The following PCDHGA2 variants were observed in gnomAD, a reference collection of about 807,000 sequenced individuals.
The protein encoded by PCDHGA2 is protocadherin gamma subfamily A, 2, also known as protocadherin gamma-A2.
In PCDHGA2, 40 loss-of-function variants were observed where a neutral mutation model predicts 59.2. The ratio of observed to expected loss-of-function variants is 0.68; its 90% CI spans 0.52 to 0.88. The LOEUF is 0.88. PCDHGA2 is among the 40% of genes least tolerant of loss of function. The pLI is 0.00. For missense variants in PCDHGA2, 1,226 were observed against 1,204.0 expected (o/e 1.02, Z -0.27); for synonymous variants, 560 against 526.0 (o/e 1.06, Z -0.89).
rs776625788 is a variant in PCDHGA2 at position 141,344,879 on chromosome 5, T to A, written c.2424+3484T>A. ...ATGCTCAAGTGTCTTATATTCTAGA[T>A]AAAATGCCTGGGAAAATCGCTGAGA... On this transcript the variant is annotated intron_variant, in intron 1 of 3. Coordinates refer to ENST00000394576, the MANE Select transcript of PCDHGA2 (RefSeq NM_018915.4). 1.9e-6 allele frequency: 3 copies of A among 1,613,804 alleles called. No homozygotes were observed. In the African/African-American group the frequency reaches 4.0e-5, roughly 22 times the overall value.
chr5:141,380,347 T>G (rs1408007452), intron 1 of PCDHGA2, among the ~76,000 whole-genome samples: 1 of 152,204 alleles, frequency 6.6e-6, no homozygotes, highest in Non-Finnish European at 1.5e-5. Context: ...AACTGTTTTG[T>G]TGTTTGTTTT....
intron 1 of PCDHGA2, chr5:141,351,944 G>A (rs995541250): frequency 6.2e-7 from 1 of 1,613,158 alleles, no homozygotes; most frequent in South Asian, 1.1e-5. Context: ...GCTGTACCCC[G>A]CGCTGGGGCC....
chr5:141,362,172 G>T (rs576630104), intron 1 of PCDHGA2: 108 of 1,613,978 alleles, frequency 6.7e-5, no homozygotes, highest in Middle Eastern at 4.9e-4. Flanking sequence ...GCGACCGCCG[G>T]GAGCCCTCTG....
chr5:141,495,817 T>G (rs2099764054), intron 2 of PCDHGA2, among the ~76,000 whole-genome samples: 1 of 152,110 alleles, frequency 6.6e-6, no homozygotes, highest in African/African-American at 2.4e-5. Context: ...TAGCGCCTTG[T>G]GTTCTTCTAT....
intron 1 of PCDHGA2, chr5:141,398,633 A>G: frequency 6.2e-7 from 1 of 1,614,064 alleles, no homozygotes; most frequent in Non-Finnish European, 8.5e-7. Flanking sequence ...TCTCTGCAGA[A>G]GTATAAACTC....
chr5:141,511,711 T>G lies in PCDHGA2; in HGVS notation c.*538T>G. 1 of 185,916 alleles carries G rather than the reference T, an allele frequency of 5.4e-6. No individual in the cohort carries two copies. Among genetic ancestry groups the G allele is most frequent in the South Asian group, 1.1e-4 (1 of 8,818 alleles). The allele number at this position is 185,916 out of a possible 1,614,324, so 11.5% of individuals were successfully genotyped here. A position where few individuals can be genotyped will look rare whatever the true frequency, so the allele number is the denominator to read the frequency against. Reference sequence around the variant, plus strand: ...GTTTGGTGCCAGCCCCTTCACCTCCTTCCAGAGCCCAAGATCAATGCTCAA... The same window carrying G: ...GTTTGGTGCCAGCCCCTTCACCTCCGTCCAGAGCCCAAGATCAATGCTCAA... On this transcript the variant is annotated 3_prime_UTR_variant, in exon 4 of 4. Transcript: ENST00000394576.
chr5:141,423,241 G>A (rs1485226833), intron 1 of PCDHGA2: 19 of 1,613,954 alleles, frequency 1.2e-5, no homozygotes, highest in Non-Finnish European at 1.4e-5. Flanking sequence ...CATCCCCGAA[G>A]TCCTGGCGGA....
At chr5:141,384,278 A>T in intron 1 of PCDHGA2, 1 of 1,613,842 alleles carries the variant, frequency 6.2e-7, no homozygotes, top group Non-Finnish European at 8.5e-7. Context: ...TACTCAGTCT[A>T]CATCGCTGAG....
chr5:141,415,427 G>C, intron 1 of PCDHGA2: 3 of 1,614,188 alleles, frequency 1.9e-6, no homozygotes, highest in Non-Finnish European at 2.5e-6. Flanking sequence ...GACGGGGTTC[G>C]GGCTTTCCTG....
At chr5:141,370,488 C>A (rs758506114) in intron 1 of PCDHGA2, 2 of 1,613,906 alleles carry the variant, frequency 1.2e-6, no homozygotes, top group Admixed American at 3.3e-5. Flanking sequence ...TCTCTCCGAA[C>A]CGATCCGCTA....
At chr5:141,385,355 G>A in intron 1 of PCDHGA2, 1 of 1,548,228 alleles carries the variant, frequency 6.5e-7, no homozygotes, top group Non-Finnish European at 8.7e-7. Flanking sequence ...TTTCCATGAG[G>A]AATTTATTTG....
Position 141,421,845 on chromosome 5 carries a change from G to C in PCDHGA2, c.2425-72962G>C, listed in dbSNP as rs369443134. On this transcript the variant is annotated intron_variant, in intron 1 of 3. Transcript: ENST00000394576. ...AGGGAAGCCTGGACCGAGAGAAAGA[G>C]GCTGCTCACCTGCTCCTCCTCACAG... The C allele has an allele frequency of 1.1e-5, 18 of 1,613,638 alleles. No homozygotes were observed. The African/African-American group carries it at 2.1e-4, about 19-fold the overall frequency.
At chr5:141,412,815 A>G (rs2095578958) in intron 1 of PCDHGA2, among the ~76,000 whole-genome samples, 1 of 152,328 alleles carries the variant, frequency 6.6e-6, no homozygotes, top group Non-Finnish European at 1.5e-5. Flanking sequence ...AGAAACCTAC[A>G]TATAGTAAAT....
At chr5:141,361,999 C>A in intron 1 of PCDHGA2, 9 of 1,603,024 alleles carry the variant, frequency 5.6e-6, no homozygotes, top group Non-Finnish European at 5.9e-6. Context: ...CCTGGGGTTG[C>A]GCACGGGTGA....
At position 141,357,120 on chromosome 5, in the gene PCDHGA2, G is replaced by A. The variant is rs777241570; in HGVS notation, c.2424+15725G>A. The A allele has an allele frequency of 3.7e-6, 6 of 1,613,562 alleles. No homozygotes were observed. The Admixed American group carries it at 1.0e-4, about 27-fold the overall frequency. Reference sequence around the variant, plus strand: ...TGCTGGACAGAGACGCGCTCAAGCAGAGGCTTGTAGTGGTCGTCCAGGACC... The same window carrying A: ...TGCTGGACAGAGACGCGCTCAAGCAAAGGCTTGTAGTGGTCGTCCAGGACC... On this transcript the variant is annotated intron_variant, in intron 1 of 3. Transcript: ENST00000394576.
rs772659046 is a variant in PCDHGA2 at position 141,426,970 on chromosome 5, A to C, written c.2425-67837A>C. On this transcript the variant is annotated intron_variant, in intron 1 of 3. Coordinates refer to ENST00000394576, the MANE Select transcript of PCDHGA2 (RefSeq NM_018915.4). Reference sequence around the variant, plus strand: ...ACTGGCACTGCTGCAATTCAAATTGAGGTCACTGATGCCAACGATAATGCC... The same window carrying C: ...ACTGGCACTGCTGCAATTCAAATTGCGGTCACTGATGCCAACGATAATGCC... 72 of 456,624 alleles carry C rather than the reference A, an allele frequency of 1.6e-4. No homozygotes were observed. In the Middle Eastern group the frequency reaches 1.6e-3, roughly 10 times the overall value. The allele number at this position is 456,624 out of a possible 1,614,324, so 28.3% of individuals were successfully genotyped here. A position where few individuals can be genotyped will look rare whatever the true frequency, so the allele number is the denominator to read the frequency against.
At chr5:141,392,719 C>T (rs1044889578) in intron 1 of PCDHGA2, 60 of 1,382,980 alleles carry the variant, frequency 4.3e-5, no homozygotes, top group African/African-American at 2.9e-5. Context: ...TCCAGGTTTC[C>T]GGAGGATTGT....
chr5:141,421,362 C>T (rs2096566609), intron 1 of PCDHGA2: 1 of 1,613,998 alleles, frequency 6.2e-7, no homozygotes, highest in African/African-American at 1.3e-5. Context: ...AGGGCTCCTT[C>T]GTGGGCAATA....
chr5:141,372,729 G>T, intron 1 of PCDHGA2: 1 of 1,613,602 alleles, frequency 6.2e-7, no homozygotes. Context: ...TGCACCACAA[G>T]ATCTTCTATG....
Sources: allele counts gnomAD v4.1 joint callset (sites outside exome capture counted in the v4.1 genomes callset), GRCh38; gene constraint gnomAD v4.1.1; transcripts MANE v1.5; gene names NCBI Gene and HGNC (gene_info 2026-07-23, HGNC 2026-07-21).